The following BCO1 variants were observed in gnomAD, a reference collection of about 807,000 sequenced individuals.
BCO1 encodes the protein beta,beta-carotene 15,15'-dioxygenase.
Under a neutral mutation model 56.3 loss-of-function variants are expected in BCO1, and 54 were observed. That is an observed-to-expected ratio of 0.96 (90% CI 0.77 to 1.20). The LOEUF (loss-of-function observed/expected upper bound fraction) is 1.20. Among genes scored for constraint, BCO1 ranks in the 50% most tolerant of loss-of-function variants. The probability of loss-of-function intolerance (pLI) is 0.00; values close to 1 mark genes in which losing one functional copy is unlikely to be tolerated. For synonymous variants in BCO1, 318 were observed against 266.1 expected (o/e 1.20, Z -1.90); for missense variants, 801 against 690.9 (o/e 1.16, Z -1.79).
intron 9 of BCO1, among the ~76,000 whole-genome samples, chr16:81,286,711 A>G (rs1908200425): frequency 6.6e-6 from 1 of 152,102 alleles, no homozygotes; most frequent in African/African-American, 2.4e-5. Context: ...ATAAATTTTA[A>G]AAGATTTTAA....
chr16:81,240,538 C>G (rs1324845562), intron 1 of BCO1, among the ~76,000 whole-genome samples: 1 of 152,010 alleles, frequency 6.6e-6, no homozygotes, highest in African/African-American at 2.4e-5. Context: ...AAATCCCTCT[C>G]TACTAAAAAT....
At chr16:81,244,157 G>T (rs1273178261) in intron 1 of BCO1, among the ~76,000 whole-genome samples, 1 of 152,228 alleles carries the variant, frequency 6.6e-6, no homozygotes, top group Non-Finnish European at 1.5e-5. Context: ...GCAGGCATTT[G>T]CAGAAAGCAG....
rs1907843774 is a variant in BCO1, at chr16:81,280,915, A to T, written c.1160A>T (p.Lys387Met). Residue 387 changes from lysine (K) to methionine (M), a missense_variant, in exon 8 of 11, where the codon AAG becomes ATG. Coordinates refer to ENST00000258168, the MANE Select transcript of BCO1 (RefSeq NM_017429.3). The part of the protein sequence containing the change: ...KVASTTATAL[K>M]EEDGQVYCQP... ...GCATCTACAACAGCCACGGCCCTGA[A>T]GGAAGAAGATGGCCAAGTCTACTGC... The T allele has an allele frequency of 5.0e-6, 8 of 1,614,078 alleles. No individual in the cohort carries two copies. The highest frequency in any genetic ancestry group is 6.8e-6 in the Non-Finnish European group (8 of 1,180,012).
chr16:81,257,679 C>A (rs1206250626), intron 2 of BCO1, among the ~76,000 whole-genome samples: 1 of 151,700 alleles, frequency 6.6e-6, no homozygotes, highest in East Asian at 2.0e-4. Context: ...AGTTCGAGAC[C>A]AGTCTGACCA....
At chr16:81,286,731 G>T (rs1318836983) in intron 9 of BCO1, among the ~76,000 whole-genome samples, 4 of 151,956 alleles carry the variant, frequency 2.6e-5, no homozygotes, top group South Asian at 2.1e-4. Flanking sequence ...ATTTTTAAAA[G>T]AATTCCTTCT....
At chr16:81,279,406 C>T (rs1178627357) in intron 7 of BCO1, among the ~76,000 whole-genome samples, 2 of 152,182 alleles carry the variant, frequency 1.3e-5, no homozygotes, top group Non-Finnish European at 1.5e-5. Flanking sequence ...CCGTAGTCAC[C>T]TCCAGTAGTG....
At chr16:81,239,732 C>G (rs997556263) in intron 1 of BCO1, among the ~76,000 whole-genome samples, 4 of 152,188 alleles carry the variant, frequency 2.6e-5, no homozygotes, top group Admixed American at 1.3e-4. Context: ...CAGGTGTGAG[C>G]TCCTGCAGAG....
At chr16:81,271,227 G>C (rs1002032164) in intron 7 of BCO1, among the ~76,000 whole-genome samples, 1 of 151,852 alleles carries the variant, frequency 6.6e-6, no homozygotes, top group African/African-American at 2.4e-5. Flanking sequence ...CGGTTCTCCT[G>C]CCTCGGCCTC....
chr16:81,244,043 C>T (rs1013029148), intron 1 of BCO1, among the ~76,000 whole-genome samples: 2 of 152,252 alleles, frequency 1.3e-5, no homozygotes, highest in African/African-American at 4.8e-5. Context: ...TGGGTGAGAG[C>T]AGCTTCCAGG....
chr16:81,253,485 T>C (rs923616693), intron 2 of BCO1, among the ~76,000 whole-genome samples: 8 of 152,162 alleles, frequency 5.3e-5, no homozygotes, highest in Non-Finnish European at 1.2e-4. Flanking sequence ...AGATTGAGCC[T>C]CCTTAGCAAC....
intron 1 of BCO1, among the ~76,000 whole-genome samples, chr16:81,240,441 C>G (rs1385541592): frequency 6.6e-6 from 1 of 152,094 alleles, no homozygotes; most frequent in East Asian, 1.9e-4. Context: ...TGCGGTGGCT[C>G]ACGCCTGTGG....
chr16:81,244,490 T>G (rs1905281809), intron 1 of BCO1, among the ~76,000 whole-genome samples: 1 of 151,954 alleles, frequency 6.6e-6, no homozygotes, highest in Non-Finnish European at 1.5e-5. Context: ...ATAGCACATG[T>G]CATTTCAGAC....
intron 3 of BCO1, chr16:81,261,795 G>T (rs1906497088): frequency 3.0e-6 from 1 of 335,604 alleles, no homozygotes; most frequent in African/African-American, 2.2e-5. Context: ...AGGCTGGAGT[G>T]TAGTGGCGCC....
chr16:81,265,124 C>A (rs913251508), intron 5 of BCO1, among the ~76,000 whole-genome samples: 1 of 151,904 alleles, frequency 6.6e-6, no homozygotes, highest in Non-Finnish European at 1.5e-5. Context: ...CATGCATCTA[C>A]TCACCGTCCA....
intron 2 of BCO1, among the ~76,000 whole-genome samples, chr16:81,248,688 C>T (rs11643426): frequency 0.44 from 67,374 of 151,716 alleles, 15,344 homozygotes; most frequent in Middle Eastern, 0.53. Context: ...GAAATAAATA[C>T]TGTTCTGGAT....
rs1315274075 is a variant in BCO1, at chr16:81,290,507, C to CA, written c.1580dup (p.Gln528AlafsTer5). 3.1e-6 allele frequency: 5 copies of CA among 1,613,980 alleles called. No homozygotes were observed. The highest frequency in any genetic ancestry group is 4.2e-6 in the Non-Finnish European group (5 of 1,180,022). ...TTCATTACAGACATGGACTGGGACA[C>CA]AAAAAAGCAGGCCGCTTCTGAGGAA... On this transcript the variant is annotated frameshift_variant, in exon 11 of 11. Transcript: ENST00000258168. LOFTEE classifies it low-confidence loss of function (END_TRUNC).
In BCO1 at chr16:81,290,535, G is replaced by C. The variant is rs1236668913; in HGVS notation, c.1602G>C (p.Gln534His). 4.3e-6 allele frequency: 7 copies of C among 1,613,992 alleles called. No individual in the cohort carries two copies. Among genetic ancestry groups the C allele is most frequent in the Middle Eastern group, 1.6e-4 (1 of 6,082 alleles). ...DTKKQAASEE[Q>H]RDRASDCHGA... The stretch of plus-strand genomic sequence containing the variant: ...AAAAGCAGGCCGCTTCTGAGGAACA[G>C]CGGGACAGGGCTTCCGACTGCCACG... The change falls in exon 11 of 11, where the codon CAG (glutamine) becomes CAC (histidine). Residue 534 changes from glutamine (Q) to histidine (H), a missense_variant. Transcript: ENST00000258168.
chr16:81,246,004 A>G (rs968049024), intron 2 of BCO1, among the ~76,000 whole-genome samples: 2 of 151,918 alleles, frequency 1.3e-5, no homozygotes, highest in African/African-American at 4.8e-5. Flanking sequence ...CTGGGATTAC[A>G]GGCATGTGAC....
rs58607661 is a variant in BCO1, at chr16:81,280,269, C to CAA, written c.1102-550_1102-549dup. On this transcript the variant is annotated intron_variant, in intron 7 of 10. Transcript: ENST00000258168. The stretch of plus-strand genomic sequence containing the variant: ...TGGGCAACAGAGTGAGACTCCATCT[C>CAA]AAAAAAAAAAAAAAAAAAAAAAAAA... Among the ~76,000 whole-genome samples the CAA allele has an allele frequency of 5.4e-5, 2 of 36,886 alleles. 1 individual carries two copies. The highest frequency in any genetic ancestry group is 1.0e-4 in the Non-Finnish European group (2 of 19,934). 24.2% of individuals were successfully genotyped at this position (36,886 alleles called of 152,430 possible). A position where few individuals can be genotyped will look rare whatever the true frequency, so the allele number is the denominator to read the frequency against.
Sources: gnomAD v4.1 joint callset for allele counts (sites outside exome capture counted in the v4.1 genomes callset) on GRCh38, gnomAD v4.1.1 for gene constraint, MANE v1.5 for transcripts, NCBI Gene and HGNC (gene_info 2026-07-23, HGNC 2026-07-21) for gene names.